The following RNF19A variants were observed in gnomAD, a reference collection of about 807,000 sequenced individuals.
RNF19A encodes the protein E3 ubiquitin-protein ligase RNF19A.
A neutral mutation model predicts 75.7 loss-of-function variants in RNF19A; 32 were observed. That is an observed-to-expected ratio of 0.42 (90% CI 0.32 to 0.57). The LOEUF is 0.57. Ranked by LOEUF, RNF19A falls within the 20% of genes least tolerant of loss-of-function variation. The pLI is 0.10. For synonymous variants in RNF19A, 335 were observed against 345.2 expected (o/e 0.97, Z 0.33); for missense variants, 782 against 1,036.3 (o/e 0.75, Z 3.37).
chr8:100,318,301 C>T (rs1039049031), intron 1 of RNF19A, among the ~76,000 whole-genome samples: 10 of 152,112 alleles, frequency 6.6e-5, no homozygotes, highest in African/African-American at 1.9e-4. Context: ...GGTCTCCTTC[C>T]GGTCTGTGTA....
upstream of RNF19A, among the ~76,000 whole-genome samples, chr8:100,311,552 AC>A (rs1822292975): frequency 6.6e-6 from 1 of 151,970 alleles, no homozygotes; most frequent in African/African-American, 2.4e-5. Flanking sequence ...CCCCGTCTCT[AC>A]TAAAAATACA....
Position 100,331,008 on chromosome 8 carries a change from T to A in RNF19A, c.-243+5100A>T, listed in dbSNP as rs1306782595. Among the ~76,000 whole-genome samples the A allele has an allele frequency of 2.0e-5, 3 of 152,226 alleles. No individual in the cohort carries two copies. The highest frequency in any genetic ancestry group is 3.8e-4 in the East Asian group (2 of 5,200). On this transcript the variant is annotated intron_variant, in intron 1 of 3. Transcript: ENST00000519527. This position sits in a 1 kb window ranked among gnomAD's most constrained non-coding sequence, Gnocchi z 5.2. Reference sequence around the variant, plus strand: ...CTTCTAAATGCTTTTTGTTTCTGAGTCTTCCTTTCACATTGATACGTCCAT... The same window carrying A: ...CTTCTAAATGCTTTTTGTTTCTGAGACTTCCTTTCACATTGATACGTCCAT...
rs1036992540 is a variant in RNF19A, at chr8:100,317,228, C to T, written c.-242-3856G>A. Among the ~76,000 whole-genome samples the T allele has an allele frequency of 1.3e-5, 2 of 151,702 alleles. No homozygotes were observed. Among genetic ancestry groups the T allele is most frequent in the African/African-American group, 4.8e-5 (2 of 41,344 alleles). ...CAGCCTTGGCCAGCCCAGAAAGGGG[C>T]TCTCACAGTGCAGTGGTGGGCTGAA... On this transcript the variant is annotated intron_variant, in intron 1 of 3. Transcript: ENST00000519527. This position sits in a 1 kb window ranked among gnomAD's most constrained non-coding sequence, Gnocchi z 4.3.
chr8:100,313,066 G>C (rs1432932285), upstream of RNF19A, among the ~76,000 whole-genome samples: 1 of 152,196 alleles, frequency 6.6e-6, no homozygotes, highest in Non-Finnish European at 1.5e-5. Context: ...GGCCCCAGGT[G>C]CCTTAATTTT....
At chr8:100,297,275 T>C (rs1163680569) in intron 1 of RNF19A, among the ~76,000 whole-genome samples, 1 of 152,234 alleles carries the variant, frequency 6.6e-6, no homozygotes. Context: ...CAATGTGTCC[T>C]TAGACGCGTG....
In RNF19A at chr8:100,326,262, C is replaced by T. The variant is rs1586702296; in HGVS notation, c.-243+9846G>A. 2.0e-5 allele frequency among the ~76,000 whole-genome samples: 3 copies of T among 152,198 alleles called. No homozygotes were observed. The South Asian group carries it at 6.2e-4, about 32-fold the overall frequency. ...CTTTCTTCTGAACTTCAGAAAAATG[C>T]TGATTCAATTCTCTTTAAATGCATA... On this transcript the variant is annotated intron_variant, in intron 1 of 3. Transcript: ENST00000519527.
chr8:100,292,646 T>G (rs1483496065), intron 1 of RNF19A, among the ~76,000 whole-genome samples: 1 of 152,178 alleles, frequency 6.6e-6, no homozygotes, highest in Admixed American at 6.5e-5. Flanking sequence ...TACTGGTAAT[T>G]TGATAGTTTA....
chr8:100,274,088 A>C (rs1820388184), intron 3 of RNF19A, among the ~76,000 whole-genome samples: 1 of 152,068 alleles, frequency 6.6e-6, no homozygotes, highest in African/African-American at 2.4e-5. Flanking sequence ...ACTGGCCAGT[A>C]TCTTTATTTT....
At chr8:100,286,120 C>T (rs1384211217) in intron 2 of RNF19A, among the ~76,000 whole-genome samples, 2 of 152,244 alleles carry the variant, frequency 1.3e-5, no homozygotes, top group African/African-American at 4.8e-5. Context: ...GGATCAAGGG[C>T]GATTCAATCG....
chr8:100,277,471 C>A (rs1317633424), intron 2 of RNF19A, among the ~76,000 whole-genome samples: 1 of 152,128 alleles, frequency 6.6e-6, no homozygotes, highest in Non-Finnish European at 1.5e-5. Flanking sequence ...ACTACCACGC[C>A]CAGCTAATTT....
chr8:100,272,870 T>C (rs1820325632), intron 3 of RNF19A, among the ~76,000 whole-genome samples: 1 of 150,616 alleles, frequency 6.6e-6, no homozygotes, highest in African/African-American at 2.4e-5. Flanking sequence ...TTCTAATTCT[T>C]CCTCTTGTTT....
chr8:100,309,263 G>C, intron 1 of RNF19A: 1 of 961,730 alleles, frequency 1.0e-6, no homozygotes. Context: ...TGTAATTTTT[G>C]CTTTTGAAGG....
intron 1 of RNF19A, among the ~76,000 whole-genome samples, chr8:100,291,490 T>A (rs183233047): frequency 2.6e-5 from 4 of 152,324 alleles, no homozygotes; most frequent in Admixed American, 6.5e-5. Flanking sequence ...ATGTTAAGTA[T>A]CCTGACACTA....
At chr8:100,310,324 C>T (rs1316385304), upstream of RNF19A, 2 of 842,452 alleles carry the variant, frequency 2.4e-6, no homozygotes, top group South Asian at 5.4e-5. Flanking sequence ...CGACTGCGGC[C>T]CCCACGCCTG....
At position 100,325,698 on chromosome 8, in the gene RNF19A, C is replaced by T. The variant is rs1169417427; in HGVS notation, c.-243+10410G>A. Among the ~76,000 whole-genome samples, 3 of 152,046 alleles carry T rather than the reference C, an allele frequency of 2.0e-5. No individual in the cohort carries two copies. The highest frequency in any genetic ancestry group is 7.2e-5 in the African/African-American group (3 of 41,394). Reference sequence around the variant, plus strand: ...CCGATTATCTAGTCATTGTTATCAACCTCAATATTGCAGAAAATATCTGTG... The same window carrying T: ...CCGATTATCTAGTCATTGTTATCAATCTCAATATTGCAGAAAATATCTGTG... On this transcript the variant is annotated intron_variant, in intron 1 of 3. Transcript: ENST00000519527. The surrounding 1 kb of genome is among the most constrained non-coding windows in gnomAD (Gnocchi z 4.3).
In RNF19A at chr8:100,258,107, T is replaced by C. The variant is rs540660729; in HGVS notation, c.*449A>G. Reference sequence around the variant, plus strand: ...TAAATAGAAATGTTACAGAGTATCATATACTGAGAGTAACCTATGCAGTTC... The same window carrying C: ...TAAATAGAAATGTTACAGAGTATCACATACTGAGAGTAACCTATGCAGTTC... On this transcript the variant is annotated 3_prime_UTR_variant, in exon 10 of 10. Coordinates refer to ENST00000341084, the MANE Select transcript of RNF19A (RefSeq NM_183419.4). The surrounding 1 kb of genome is among the most constrained non-coding windows in gnomAD (Gnocchi z 4.3). 38 of 401,180 alleles carry C rather than the reference T, an allele frequency of 9.5e-5. No homozygotes were observed. The highest frequency in any genetic ancestry group is 7.0e-4 in the African/African-American group (34 of 48,752). The allele number at this position is 401,180 out of a possible 1,614,324, so 24.9% of individuals were successfully genotyped here.
At position 100,333,667 on chromosome 8, in the gene RNF19A, A is replaced by G. The variant is rs1822638402; in HGVS notation, c.-243+2441T>C. Among the ~76,000 whole-genome samples, 1 of 152,244 alleles carries G rather than the reference A, an allele frequency of 6.6e-6. No homozygotes were observed. The highest frequency in any genetic ancestry group is 1.5e-5 in the Non-Finnish European group (1 of 68,040). ...GCCCATCTCTAAAAATTTTTTTAAA[A>G]CAATAGCTGGGCATGGTGGTGTCTC... is the stretch of plus-strand genomic sequence containing the variant. On this transcript the variant is annotated intron_variant, in intron 1 of 3. Coordinates refer to the RNF19A transcript ENST00000519527. This position sits in a 1 kb window ranked among gnomAD's most constrained non-coding sequence, Gnocchi z 4.7.
chr8:100,282,282 T>G (rs1296561803), intron 2 of RNF19A, among the ~76,000 whole-genome samples: 2 of 152,190 alleles, frequency 1.3e-5, no homozygotes, highest in Non-Finnish European at 2.9e-5. Flanking sequence ...CTAACAATGT[T>G]TGGTATAGGA....
At chr8:100,290,287 A>G (rs1387743427) in intron 1 of RNF19A, among the ~76,000 whole-genome samples, 1 of 152,112 alleles carries the variant, frequency 6.6e-6, no homozygotes, top group African/African-American at 2.4e-5. Flanking sequence ...TTTTTAGTAG[A>G]GACAAGGTTT....
Sources: allele counts gnomAD v4.1 joint callset (sites outside exome capture counted in the v4.1 genomes callset), GRCh38; gene constraint gnomAD v4.1.1; non-coding constraint Gnocchi (gnomAD v3.1); transcripts MANE v1.5; gene names NCBI Gene and HGNC (gene_info 2026-07-23, HGNC 2026-07-21).